The following CSMD2 variants were observed in gnomAD, a reference collection of about 807,000 sequenced individuals.
CSMD2 encodes the protein CUB and Sushi multiple domains 2, also known as CUB and sushi domain-containing protein 2.
Under a neutral mutation model 398.5 loss-of-function variants are expected in CSMD2, and 130 were observed. The ratio of observed to expected loss-of-function variants is 0.33; its 90% CI spans 0.28 to 0.38. The LOEUF is 0.38. Among genes scored for constraint, CSMD2 ranks in the 10% least tolerant of loss-of-function variants. The pLI, the probability that CSMD2 is intolerant of heterozygous loss-of-function variation, is 1.00. For missense variants in CSMD2, 3,829 were observed against 4,764.9 expected (o/e 0.80, Z 5.78); for synonymous variants, 1,828 against 1,908.5 (o/e 0.96, Z 1.10).
chr1:33,623,927 G>A (rs1254816213), intron 35 of CSMD2, among the ~76,000 whole-genome samples: 1 of 152,126 alleles, frequency 6.6e-6, no homozygotes, highest in Admixed American at 6.5e-5. Context: ...CCTCTTCCCT[G>A]CCTTGACGCC....
intron 3 of CSMD2, among the ~76,000 whole-genome samples, chr1:34,026,055 C>T (rs939085639): frequency 1.6e-4 from 24 of 152,320 alleles, no homozygotes; most frequent in African/African-American, 4.6e-4. Flanking sequence ...ATTTATCAAG[C>T]GCTGACAATT....
In CSMD2 at chr1:33,624,899, A is replaced by C. The variant is rs1570986677; in HGVS notation, c.5500+152T>G. 3.4e-6 allele frequency: 3 copies of C among 873,590 alleles called. No homozygotes were observed. The highest frequency in any genetic ancestry group is 4.5e-5 in the Admixed American group (2 of 44,896). 54.1% of individuals were successfully genotyped at this position (873,590 alleles called of 1,614,324 possible). A position where few individuals can be genotyped will look rare whatever the true frequency, so the allele number is the denominator to read the frequency against. On this transcript the variant is annotated intron_variant, in intron 34 of 70. Coordinates refer to ENST00000373381, the MANE Select transcript of CSMD2 (RefSeq NM_001281956.2). The surrounding 1 kb of genome is among the most constrained non-coding windows in gnomAD (Gnocchi z 4.7). ...CTTCACACAGCCCACAGCGCCGGGG[A>C]CTGGGGTTGACTGGGACACCCCACC...
At chr1:33,572,403 T>C (rs959146301) in intron 50 of CSMD2, 103 bp downstream of exon 50, 24 of 1,025,820 alleles carry the variant, frequency 2.3e-5, no homozygotes, top group Non-Finnish European at 3.2e-5. Context: ...TTTTTTTTTT[T>C]TTTCCCCCTC....
chr1:33,748,562 C>A (rs559358305), intron 13 of CSMD2, among the ~76,000 whole-genome samples: 6 of 151,990 alleles, frequency 3.9e-5, no homozygotes, highest in African/African-American at 1.4e-4. Context: ...TGTTGAAGAC[C>A]CCTCTTTTAT....
At chr1:33,564,205 G>A (rs1295346935) in intron 53 of CSMD2, among the ~76,000 whole-genome samples, 1 of 152,174 alleles carries the variant, frequency 6.6e-6, no homozygotes, top group Non-Finnish European at 1.5e-5. Context: ...AGTCTTTGAG[G>A]TGCCTGCTTT....
At chr1:33,575,434 T>C (rs6701136) in intron 49 of CSMD2, among the ~76,000 whole-genome samples, 9,745 of 151,950 alleles carry the variant, frequency 0.064, 1,057 homozygotes, top group African/African-American at 0.22. Flanking sequence ...ATGGTCTCCA[T>C]GGAGGGAGGA....
At chr1:34,116,329 A>C (rs1294156601) in intron 1 of CSMD2, among the ~76,000 whole-genome samples, 1 of 152,068 alleles carries the variant, frequency 6.6e-6, no homozygotes, top group Non-Finnish European at 1.5e-5. Context: ...GTAACCAAAG[A>C]CAGCAAGGTG....
At chr1:33,772,860 C>A in intron 12 of CSMD2, 109 bp from the exon 13 acceptor site, 2 of 864,188 alleles carry the variant, frequency 2.3e-6, no homozygotes, top group Non-Finnish European at 3.6e-6. Flanking sequence ...TAAGTCAGTG[C>A]TCAGAGTGAC....
At chr1:33,775,462 C>G (rs1003105433) in intron 12 of CSMD2, among the ~76,000 whole-genome samples, 2 of 152,104 alleles carry the variant, frequency 1.3e-5, no homozygotes, top group African/African-American at 4.8e-5. Context: ...CCCTGCTCAC[C>G]TGACCCTAGT....
At chr1:33,520,542 C>T (rs183961222) in intron 68 of CSMD2, among the ~76,000 whole-genome samples, 2 of 152,340 alleles carry the variant, frequency 1.3e-5, no homozygotes, top group East Asian at 1.9e-4. Flanking sequence ...CTGTGATTTT[C>T]TAAGGCCTTT....
intron 3 of CSMD2, among the ~76,000 whole-genome samples, chr1:33,975,486 T>TATACAC (rs145373689): frequency 7.1e-4 from 104 of 146,464 alleles, no homozygotes; most frequent in African/African-American, 2.6e-3. Flanking sequence ...CTCCCAAGTG[T>TATACAC]ACACACACAC....
chr1:33,922,347 C>A (rs1410089471), intron 4 of CSMD2, among the ~76,000 whole-genome samples: 1 of 152,044 alleles, frequency 6.6e-6, no homozygotes, highest in East Asian at 1.9e-4. Flanking sequence ...TAAGCAGGGG[C>A]CAAAGAGAAA....
chr1:33,788,602 T>C lies in CSMD2; in HGVS notation c.1661A>G (p.Glu554Gly). ...TCTGGCTTGCCAAAAGCAGTTACCTTCATAAGAAGCCTTGAATCCCAGGGA... is the reference window on the plus strand; with the variant it reads ...TCTGGCTTGCCAAAAGCAGTTACCTCCATAAGAAGCCTTGAATCCCAGGGA... ...GSSLGFKASY[E>G]EIEQGSCGDP... Residue 554 changes from glutamate to glycine, a missense_variant and splice_region_variant, in exon 12 of 71, where the codon GAA becomes GGA. Physicochemically the swap from Glu to Gly is moderately conservative, Grantham distance 98 (BLOSUM62 -2). This residue lies in a region of CSMD2 where 2,001 missense variants were observed against 2,567.1 expected (regional missense o/e 0.78). Transcript: ENST00000373381. The C allele has an allele frequency of 6.3e-7, 1 of 1,592,448 alleles. No individual in the cohort carries two copies. The highest frequency in any genetic ancestry group is 8.6e-7 in the Non-Finnish European group (1 of 1,160,468).
intron 2 of CSMD2, among the ~76,000 whole-genome samples, chr1:34,086,020 G>GA (rs146332740): frequency 0.31 from 39,679 of 129,174 alleles, 5,780 homozygotes; most frequent in African/African-American, 0.36. Flanking sequence ...AAGTTTCCTG[G>GA]AAAAAAAAAA....
chr1:33,644,526 G>C (rs1476591866), intron 29 of CSMD2, among the ~76,000 whole-genome samples: 1 of 152,192 alleles, frequency 6.6e-6, no homozygotes, highest in Non-Finnish European at 1.5e-5. Context: ...ATCACTCGTA[G>C]TGACTCTAAG....
chr1:33,624,510 T>G lies in CSMD2; in HGVS notation c.5625+9A>C. The stretch of plus-strand genomic sequence containing the variant: ...CACCTGCCCGACCGAGGCGCCCCCT[T>G]GCCCCTACCTGGATGCCAGCGCCTT... On this transcript the variant is annotated intron_variant, in intron 35 of 70. Transcript: ENST00000373381. This position sits in a 1 kb window ranked among gnomAD's most constrained non-coding sequence, Gnocchi z 4.7. 1 of 1,613,326 alleles carries G rather than the reference T, an allele frequency of 6.2e-7. No individual in the cohort carries two copies. Among genetic ancestry groups the G allele is most frequent in the Non-Finnish European group, 8.5e-7 (1 of 1,179,608 alleles).
At chr1:34,075,240 C>A (rs770571184) in intron 2 of CSMD2, among the ~76,000 whole-genome samples, 2 of 152,202 alleles carry the variant, frequency 1.3e-5, no homozygotes, top group African/African-American at 2.4e-5. Context: ...AAGACTTTTC[C>A]CTCATCCCCA....
chr1:34,090,991 C>T lies in CSMD2; in HGVS notation c.188-1798G>A, dbSNP rs7544785. ...ACTGCAGAGCCACAGGACCTTTGCGCGGTTCTCTCTGCCTACAACACTCTT... is the reference window on the plus strand; with the variant it reads ...ACTGCAGAGCCACAGGACCTTTGCGTGGTTCTCTCTGCCTACAACACTCTT... On this transcript the variant is annotated intron_variant, in intron 1 of 70. Coordinates refer to ENST00000373381, the MANE Select transcript of CSMD2 (RefSeq NM_001281956.2). Among the ~76,000 whole-genome samples, 724 of 152,298 alleles carry T rather than the reference C, an allele frequency of 4.8e-3. 6 individuals are homozygous for T. The highest frequency in any genetic ancestry group is 0.024 in the Middle Eastern group (7 of 294).
chr1:33,653,006 C>T (rs953483400), intron 27 of CSMD2, among the ~76,000 whole-genome samples: 1 of 152,216 alleles, frequency 6.6e-6, no homozygotes, highest in East Asian at 1.9e-4. Context: ...ATCCACCCAT[C>T]TCAGCCTTCC....
Sources: allele counts gnomAD v4.1 joint callset (sites outside exome capture counted in the v4.1 genomes callset), GRCh38; gene constraint gnomAD v4.1.1; regional missense constraint gnomAD v4.1.1; non-coding constraint Gnocchi (gnomAD v3.1); transcripts MANE v1.5; gene names NCBI Gene and HGNC (gene_info 2026-07-23, HGNC 2026-07-21).